Variants in SPDYE2 observed in about 807,000 individuals in gnomAD.
The protein encoded by SPDYE2 is speedy/RINGO cell cycle regulator family member E2, also known as speedy protein E2.
For missense variants in SPDYE2, 1 was observed against 121.0 expected (o/e 0.01, Z 4.65); for synonymous variants, 2 against 45.1 (o/e 0.04, Z 3.83).
chr7:102,554,279 G>C, intron 2 of SPDYE2, 80 bp from the exon 3 acceptor site: 1 of 1,420,860 alleles, frequency 7.0e-7, no homozygotes, highest in Non-Finnish European at 9.6e-7. Flanking sequence ...GGAGGATGGA[G>C]AGTGGTTTGG....
intron 3 of SPDYE2, among the ~76,000 whole-genome samples, chr7:102,554,894 C>G (rs1380031360): frequency 3.4e-5 from 4 of 119,086 alleles, no homozygotes; most frequent in Non-Finnish European, 7.8e-5. Flanking sequence ...CTGCAGTGAG[C>G]TATGACTGCA....
intron 4 of SPDYE2, 149 bp downstream of exon 4, chr7:102,556,279 CACTT>C: frequency 3.2e-4 from 18 of 55,732 alleles, no homozygotes; most frequent in Admixed American, 1.5e-3. Context: ...TCATGAGGGA[CACTT>C]AGGAGATGAT....
chr7:102,553,355 C>T, exon 2 of SPDYE2: 3 of 50,728 alleles, frequency 5.9e-5, no homozygotes, highest in Non-Finnish European at 1.8e-4. Context: ...GAGTCCCCAG[C>T]GGAGCACCTC....
chr7:102,564,798 T>C (rs1215948941), downstream of SPDYE2: 1 of 150,194 alleles, frequency 6.7e-6, no homozygotes, highest in Non-Finnish European at 1.5e-5. Flanking sequence ...TTCACGCCAT[T>C]CTCCTGCCTC....
chr7:102,555,229 T>G, intron 3 of SPDYE2, among the ~76,000 whole-genome samples: 1 of 61,140 alleles, frequency 1.6e-5, no homozygotes, highest in Non-Finnish European at 3.2e-5. Flanking sequence ...TGAGACGCTG[T>G]CTCAAAAAAA....
exon 9 of SPDYE2, chr7:102,563,191 TA>T: frequency 7.1e-6 from 1 of 140,158 alleles, no homozygotes; most frequent in South Asian, 2.3e-4. Context: ...CTTTTCATCC[TA>T]AATCTTTTAC....
At chr7:102,551,420 GGAGA>G (rs58225114) in intron 1 of SPDYE2, 132 bp downstream of exon 1, 1,829 of 143,980 alleles carry the variant, frequency 0.013, no homozygotes, top group African/African-American at 0.045. Context: ...CTGTTAACTA[GGAGA>G]GAGAGAGCAA....
rs1800886473 is a variant in SPDYE2, at chr7:102,561,067, GGGTATCCT to G, written c.1150-46_1150-39del. On this transcript the variant is annotated intron_variant, in intron 7 of 8. Coordinates refer to ENST00000507918, the Ensembl canonical transcript of SPDYE2. The stretch of plus-strand genomic sequence containing the variant: ...CTGGAGGCTGGATGAGGGGAGAGAG[GGGTATCCT>G]GGCGAGTCCCCGTCTTCTCAAAGGG... The G allele has an allele frequency of 1.3e-5, 3 of 237,160 alleles. No individual in the cohort carries two copies. In the East Asian group the frequency reaches 1.9e-4, roughly 15 times the overall value. The allele number at this position is 237,160 out of a possible 1,614,324, so 14.7% of individuals were successfully genotyped here.
At chr7:102,557,695 AT>A (rs1288671863) in intron 5 of SPDYE2, among the ~76,000 whole-genome samples, 133 of 35,802 alleles carry the variant, frequency 3.7e-3, no homozygotes, top group African/African-American at 0.012. Context: ...GCACCCACAA[AT>A]TTTTTTTTTG....
intron 5 of SPDYE2, 132 bp downstream of exon 5, chr7:102,557,354 T>C (rs1365615326): frequency 1.2e-6 from 1 of 830,392 alleles, no homozygotes. Flanking sequence ...TTTTTTTTTG[T>C]GTGTGTGTGT....
intron 4 of SPDYE2, 71 bp from the exon 5 acceptor site, chr7:102,557,093 C>G: frequency 1.3e-6 from 1 of 759,310 alleles, no homozygotes; most frequent in Non-Finnish European, 2.0e-6. Flanking sequence ...GCACACTTCT[C>G]CTCCCTGCCC....
At chr7:102,556,829 C>T (rs2133393981) in intron 4 of SPDYE2, among the ~76,000 whole-genome samples, 2 of 15,828 alleles carry the variant, frequency 1.3e-4, no homozygotes, top group Middle Eastern at 0.025. Flanking sequence ...TGGTCACACC[C>T]TGATGTGACT....
intron 5 of SPDYE2, 122 bp downstream of exon 5, chr7:102,557,344 TTTTTTTTTGTGTG>T (rs1232861391): frequency 4.5e-6 from 3 of 672,600 alleles, no homozygotes; most frequent in African/African-American, 5.5e-5. Flanking sequence ...GTCTTTTTTT[TTTTTTTTTGTGTG>T]TGTGTGTGTG....
At chr7:102,564,848 T>C (rs1490060118), downstream of SPDYE2, 2 of 141,532 alleles carry the variant, frequency 1.4e-5, no homozygotes, top group African/African-American at 4.9e-5. Context: ...CCCGCCACCA[T>C]GCCTGGCTAA....
At chr7:102,556,715 TAAAC>T (rs1345696102) in intron 4 of SPDYE2, among the ~76,000 whole-genome samples, 7 of 15,406 alleles carry the variant, frequency 4.5e-4, no homozygotes, top group South Asian at 2.0e-3. Flanking sequence ...ACAAAATCAA[TAAAC>T]AAAGAAAGTG....
chr7:102,555,220 G>A (rs866619626), intron 3 of SPDYE2, among the ~76,000 whole-genome samples: 1,267 of 107,052 alleles, frequency 0.012, 2 homozygotes, highest in Middle Eastern at 0.079. Flanking sequence ...GTGAGAGAGT[G>A]AGACGCTGTC....
At chr7:102,553,724 C>CAA (rs759172861) in intron 2 of SPDYE2, among the ~76,000 whole-genome samples, 4,496 of 25,448 alleles carry the variant, frequency 0.18, 995 homozygotes, top group African/African-American at 0.23. Context: ...TACTGCACTC[C>CAA]AAAAAAAGAA....
chr7:102,555,289 A>G (rs1256181695), intron 3 of SPDYE2, among the ~76,000 whole-genome samples: 1 of 132,592 alleles, frequency 7.5e-6, no homozygotes, highest in Admixed American at 7.6e-5. Flanking sequence ...GAAGTCAGGA[A>G]GGAGCACATG....
chr7:102,555,640 A>C lies in SPDYE2; in HGVS notation c.380-260A>C, dbSNP rs1305640032. On this transcript the variant is annotated intron_variant, in intron 3 of 8. Transcript: ENST00000507918. ...CAACAACAACAACAACAACAAAAAA[A>C]AAAAAAAAAAGGGACTCAGAGAGCC... 7.4e-3 allele frequency among the ~76,000 whole-genome samples: 669 copies of C among 90,954 alleles called. 1 individual carries two copies. The highest frequency in any genetic ancestry group is 0.061 in the Middle Eastern group (13 of 212). The allele number at this position is 90,954 out of a possible 152,430, so 59.7% of individuals were successfully genotyped here.
Sources: allele counts gnomAD v4.1 joint callset (sites outside exome capture counted in the v4.1 genomes callset), GRCh38; gene constraint gnomAD v4.1.1; transcripts MANE v1.5; gene names NCBI Gene and HGNC (gene_info 2026-07-23, HGNC 2026-07-21).